The following RALGAPB variants were observed in gnomAD, a reference collection of about 807,000 sequenced individuals.
RALGAPB encodes ral GTPase-activating protein subunit beta.
A neutral mutation model predicts 161.1 loss-of-function variants in RALGAPB; 25 were observed. The observed-to-expected ratio is 0.16, with a 90% confidence interval of 0.11 to 0.22. The LOEUF (loss-of-function observed/expected upper bound fraction) is 0.22, where lower values mean the gene tolerates loss of function less well. Among genes scored for constraint, RALGAPB ranks in the 10% least tolerant of loss-of-function variants. The pLI is 1.00. For missense variants in RALGAPB, 1,391 were observed against 1,815.2 expected, an observed-to-expected ratio of 0.77 and a Z score of 4.25; for synonymous variants, 629 against 626.1, an observed-to-expected ratio of 1.00 and a Z score of -0.07.
At chr20:38,537,656 G>A (rs927329858) in intron 16 of RALGAPB, 1 of 152,132 alleles carries the variant, frequency 6.6e-6, no homozygotes, top group Non-Finnish European at 1.5e-5. Context: ...GGGAGGAAAT[G>A]TTTATAAAGC....
At chr20:38,481,550 G>A (rs1015193468) in intron 1 of RALGAPB, among the ~76,000 whole-genome samples, 9 of 152,280 alleles carry the variant, frequency 5.9e-5, no homozygotes, top group African/African-American at 1.2e-4. Context: ...TGAGAACAGC[G>A]CAGTGAAGAC....
intron 23 of RALGAPB, among the ~76,000 whole-genome samples, chr20:38,558,823 G>A (rs868376769): frequency 1.3e-5 from 2 of 152,300 alleles, no homozygotes; most frequent in South Asian, 4.1e-4. Context: ...AGTCCATATA[G>A]CACGCAGCTT....
intron 21 of RALGAPB, among the ~76,000 whole-genome samples, chr20:38,552,674 G>A (rs756989021): frequency 1.8e-4 from 27 of 152,132 alleles, no homozygotes; most frequent in Non-Finnish European, 3.4e-4. Flanking sequence ...ATTTAGAGAG[G>A]AAAGGAGGGA....
chr20:38,536,966 A>G (rs892428014), intron 16 of RALGAPB, among the ~76,000 whole-genome samples: 19 of 152,354 alleles, frequency 1.2e-4, no homozygotes, highest in African/African-American at 4.1e-4. Flanking sequence ...ACAGGACCAC[A>G]CTGTCTTTGA....
intron 10 of RALGAPB, among the ~76,000 whole-genome samples, chr20:38,522,741 A>G (rs1438934755): frequency 2.0e-5 from 3 of 152,214 alleles, no homozygotes. Flanking sequence ...TATCATAACT[A>G]TCGGCGCTTG....
intron 1 of RALGAPB, among the ~76,000 whole-genome samples, chr20:38,486,762 A>G (rs1015627617): frequency 1.3e-5 from 2 of 152,228 alleles, no homozygotes; most frequent in African/African-American, 2.4e-5. Context: ...ACAAGTGAAC[A>G]TTTTTAAATT....
intron 23 of RALGAPB, 142 bp downstream of exon 23, chr20:38,558,595 C>A: frequency 1.4e-6 from 1 of 713,546 alleles, no homozygotes; most frequent in Non-Finnish European, 2.1e-6. Flanking sequence ...CTGGAAAGTG[C>A]TTCCAAGAAC....
At chr20:38,483,480 A>T (rs1209425564) in intron 1 of RALGAPB, among the ~76,000 whole-genome samples, 1 of 152,222 alleles carries the variant, frequency 6.6e-6, no homozygotes, top group Non-Finnish European at 1.5e-5. Flanking sequence ...GTAATACTAC[A>T]GTGAGCATCT....
chr20:38,568,558 CAT>C (rs1225842499), intron 26 of RALGAPB: 1 of 152,048 alleles, frequency 6.6e-6, no homozygotes, highest in Non-Finnish European at 1.5e-5. Context: ...CAAAAGGAAA[CAT>C]AGTACATAAA....
Position 38,499,650 on chromosome 20 carries a change from G to A in RALGAPB, c.740+17G>A, listed in dbSNP as rs2085521040. 1 of 1,597,912 alleles carries A rather than the reference G, an allele frequency of 6.3e-7. No individual in the cohort carries two copies. The highest frequency in any genetic ancestry group is 1.8e-4 in the Middle Eastern group (1 of 5,502). ...CACTTCCAGGTAGGTTATTGTCATT[G>A]CCCTGCCTTCCTTCACCTGTCTGAC... On this transcript the variant is annotated intron_variant, in intron 5 of 29. Transcript: ENST00000262879.
chr20:38,549,549 AAT>A (rs1555882891), intron 20 of RALGAPB, among the ~76,000 whole-genome samples: 18 of 131,078 alleles, frequency 1.4e-4, no homozygotes, highest in Middle Eastern at 3.8e-3. Context: ...AAAAAAAAAA[AAT>A]ATATATATAT....
intron 1 of RALGAPB, among the ~76,000 whole-genome samples, chr20:38,475,013 A>T (rs978565569): frequency 6.6e-5 from 10 of 152,252 alleles, no homozygotes; most frequent in Non-Finnish European, 1.2e-4. Context: ...GCAGTTGAAC[A>T]CACACATTGA....
chr20:38,534,964 G>T, intron 15 of RALGAPB, 110 bp from the exon 16 acceptor site: 1 of 1,346,084 alleles, frequency 7.4e-7, no homozygotes, highest in Non-Finnish European at 1.0e-6. Flanking sequence ...GGTGCCCGTC[G>T]TTCTCACTGT....
intron 16 of RALGAPB, among the ~76,000 whole-genome samples, chr20:38,537,113 G>A (rs1385322076): frequency 6.6e-6 from 1 of 152,156 alleles, no homozygotes; most frequent in East Asian, 1.9e-4. Context: ...TTACTGTAAG[G>A]CTACAGTAAC....
chr20:38,495,466 T>A (rs75671829), intron 3 of RALGAPB, among the ~76,000 whole-genome samples: 1 of 152,230 alleles, frequency 6.6e-6, no homozygotes, highest in Admixed American at 6.5e-5. Context: ...TATAGTGTTA[T>A]AATTAGTCAG....
intron 15 of RALGAPB, 46 bp from the exon 16 acceptor site, chr20:38,535,028 G>C (rs1306720239): frequency 6.3e-7 from 1 of 1,595,856 alleles, no homozygotes; most frequent in Non-Finnish European, 8.6e-7. Flanking sequence ...CTAATGCTTA[G>C]TTGTTTTCCC....
chr20:38,519,608 G>A (rs777525469), intron 9 of RALGAPB, among the ~76,000 whole-genome samples: 2 of 152,088 alleles, frequency 1.3e-5, no homozygotes, highest in Non-Finnish European at 2.9e-5. Flanking sequence ...CAAATCATAC[G>A]TGAACAACAT....
rs746479807 is a variant in RALGAPB, at chr20:38,535,168, A to G, written c.2340A>G (p.Ile780Met). 4 of 1,614,072 alleles carry G rather than the reference A, an allele frequency of 2.5e-6. No individual in the cohort carries two copies. Among genetic ancestry groups the G allele is most frequent in the South Asian group, 1.1e-5 (1 of 91,090 alleles). The change falls in exon 16 of 30, where the codon ATA becomes ATG. Residue 780 changes from isoleucine (I) to methionine (M), a missense_variant. This residue lies in a region of RALGAPB where 946 missense variants were observed against 1,257.2 expected (regional missense o/e 0.75). Transcript: ENST00000262879. ...CCCAGTGGCGCCAAGACATGAGCAT[A>G]TCACTGGCAGCTCTAGAGCTCCTCT... Reference protein sequence around the residue: ...LNSQWRQDMSISLAALELLSG... With the variant: ...LNSQWRQDMSMSLAALELLSG...
intron 1 of RALGAPB, among the ~76,000 whole-genome samples, chr20:38,485,779 G>A (rs2085095025): frequency 1.3e-5 from 2 of 151,892 alleles, no homozygotes; most frequent in South Asian, 4.2e-4. Flanking sequence ...AGTTGCCTTT[G>A]TGTTTTTTCC....
Sources: gnomAD v4.1 joint callset for allele counts (sites outside exome capture counted in the v4.1 genomes callset) on GRCh38, gnomAD v4.1.1 for gene constraint, gnomAD v4.1.1 regional missense constraint, MANE v1.5 for transcripts, NCBI Gene and HGNC (gene_info 2026-07-23, HGNC 2026-07-21) for gene names.